Variants in FMNL2 observed in about 807,000 individuals in gnomAD.
The protein encoded by FMNL2 is formin-like protein 2.
FMNL2 carries 51 observed loss-of-function variants against 130.2 expected under a neutral mutation model. That is an observed-to-expected ratio of 0.39 (90% CI 0.31 to 0.49). The LOEUF is 0.49. Ranked by LOEUF, FMNL2 falls within the 20% of genes least tolerant of loss-of-function variation. The pLI is 0.85. For missense variants in FMNL2, 977 were observed against 1,316.2 expected (o/e 0.74, Z 3.99); for synonymous variants, 465 against 467.1 (o/e 1.00, Z 0.06).
intron 3 of FMNL2, among the ~76,000 whole-genome samples, chr2:152,545,942 A>G (rs2105511849): frequency 6.6e-6 from 1 of 152,362 alleles, no homozygotes; most frequent in East Asian, 1.9e-4. Flanking sequence ...GTTATCAGGC[A>G]GTTGCAGAAG....
At chr2:152,371,109 C>T (rs1021093860) in intron 1 of FMNL2, among the ~76,000 whole-genome samples, 26 of 152,212 alleles carry the variant, frequency 1.7e-4, no homozygotes, top group Admixed American at 2.0e-4. Context: ...TGGGAGCAAT[C>T]TGAGAGACAG....
At chr2:152,341,229 C>G (rs1405802493) in intron 1 of FMNL2, among the ~76,000 whole-genome samples, 1 of 152,174 alleles carries the variant, frequency 6.6e-6, no homozygotes, top group African/African-American at 2.4e-5. Context: ...CAGTTTCACC[C>G]TAGGCAGTAA....
At chr2:152,582,121 G>T (rs564132070) in intron 9 of FMNL2, among the ~76,000 whole-genome samples, 4 of 152,224 alleles carry the variant, frequency 2.6e-5, no homozygotes, top group Non-Finnish European at 4.4e-5. Flanking sequence ...TGGTCACATA[G>T]CTAGATAAGT....
chr2:152,605,600 C>T (rs1328038466), intron 9 of FMNL2, among the ~76,000 whole-genome samples: 1 of 152,228 alleles, frequency 6.6e-6, no homozygotes, highest in East Asian at 1.9e-4. Context: ...CCTGGGATTA[C>T]AGGTGTGAGC....
intron 1 of FMNL2, among the ~76,000 whole-genome samples, chr2:152,507,517 C>T (rs1579838489): frequency 1.3e-5 from 2 of 152,218 alleles, no homozygotes; most frequent in East Asian, 1.9e-4. Flanking sequence ...TTCTATCAGG[C>T]TCCTCCTGAA....
chr2:152,453,191 G>GAC (rs1012273073), intron 1 of FMNL2, among the ~76,000 whole-genome samples: 19 of 139,028 alleles, frequency 1.4e-4, no homozygotes, highest in African/African-American at 4.4e-4. Flanking sequence ...GACAGAGCAA[G>GAC]ACTCTGTCTT....
At chr2:152,512,917 C>G (rs779264687) in intron 1 of FMNL2, among the ~76,000 whole-genome samples, 1 of 152,114 alleles carries the variant, frequency 6.6e-6, no homozygotes, top group Non-Finnish European at 1.5e-5. Flanking sequence ...ACTTTACATG[C>G]GTTATCTGAT....
intron 1 of FMNL2, among the ~76,000 whole-genome samples, chr2:152,431,622 G>C (rs1231800282): frequency 6.6e-6 from 1 of 152,066 alleles, no homozygotes; most frequent in Non-Finnish European, 1.5e-5. Flanking sequence ...CATAAAACTT[G>C]GAGTACCTTG....
chr2:152,381,782 A>G (rs1684476914), intron 1 of FMNL2, among the ~76,000 whole-genome samples: 1 of 151,538 alleles, frequency 6.6e-6, no homozygotes, highest in East Asian at 1.9e-4. Context: ...ACTCTTGATT[A>G]GTTAGCATAA....
At chr2:152,590,630 G>A (rs778040049) in intron 9 of FMNL2, among the ~76,000 whole-genome samples, 18 of 151,782 alleles carry the variant, frequency 1.2e-4, no homozygotes, top group Non-Finnish European at 2.1e-4. Flanking sequence ...AAAAAAACCT[G>A]TAGGTTCAAC....
intron 5 of FMNL2, 58 bp from the exon 6 acceptor site, chr2:152,560,825 G>C: frequency 6.6e-7 from 1 of 1,512,774 alleles, no homozygotes. Flanking sequence ...ATACATGTTC[G>C]TTTATACATG....
At chr2:152,426,325 C>T (rs929925009) in intron 1 of FMNL2, among the ~76,000 whole-genome samples, 12 of 152,136 alleles carry the variant, frequency 7.9e-5, no homozygotes, top group Non-Finnish European at 1.5e-4. Flanking sequence ...ACCTTTTAAG[C>T]ACTGGTAGCA....
intron 1 of FMNL2, among the ~76,000 whole-genome samples, chr2:152,375,262 G>A (rs138458992): frequency 6.6e-6 from 1 of 152,300 alleles, no homozygotes; most frequent in Admixed American, 6.5e-5. Context: ...GGGGGCCAGA[G>A]GATTCAAGCC....
At chr2:152,647,701 A>G in intron 25 of FMNL2, 95 bp from the exon 26 acceptor site, 1 of 1,156,892 alleles carries the variant, frequency 8.6e-7, no homozygotes, top group Admixed American at 1.7e-5. Context: ...TTTTCTACAC[A>G]AGCTGCTTTG....
chr2:152,581,051 T>A lies in FMNL2; in HGVS notation c.876+2T>A. 1 of 1,612,518 alleles carries A rather than the reference T, an allele frequency of 6.2e-7. No individual in the cohort carries two copies. The highest frequency in any genetic ancestry group is 8.5e-7 in the Non-Finnish European group (1 of 1,178,826). On this transcript the variant is annotated splice_donor_variant, in intron 9 of 25. Coordinates refer to ENST00000288670, the MANE Select transcript of FMNL2 (RefSeq NM_052905.4). LOFTEE classifies it high-confidence loss of function. ...TCAGCATTTGATAACTTTAAAGAGGTAGGCTACACTATAGTTTTCATAAGA... is the reference window on the plus strand; with the variant it reads ...TCAGCATTTGATAACTTTAAAGAGGAAGGCTACACTATAGTTTTCATAAGA...
At chr2:152,443,468 A>G (rs1345282665) in intron 1 of FMNL2, among the ~76,000 whole-genome samples, 1 of 152,158 alleles carries the variant, frequency 6.6e-6, no homozygotes, top group African/African-American at 2.4e-5. Flanking sequence ...GAGGAAGAGG[A>G]GAAGGAATTG....
chr2:152,364,259 G>GTTTTTTTTTTTTTTTTTT (rs1163993397), intron 1 of FMNL2, among the ~76,000 whole-genome samples: 1 of 100,796 alleles, frequency 9.9e-6, no homozygotes, highest in Admixed American at 1.1e-4. Context: ...GGAGGTTTGT[G>GTTTTTTTTTTTTTTTTTT]TGTTTTTTTT....
chr2:152,354,191 T>G (rs1682664699), intron 1 of FMNL2, among the ~76,000 whole-genome samples: 1 of 152,230 alleles, frequency 6.6e-6, no homozygotes, highest in Admixed American at 6.5e-5. Flanking sequence ...CTGTGACCAC[T>G]GAGCAGCTTG....
At chr2:152,601,298 T>C (rs1174531535) in intron 9 of FMNL2, among the ~76,000 whole-genome samples, 1 of 81,154 alleles carries the variant, frequency 1.2e-5, no homozygotes, top group Non-Finnish European at 2.8e-5. Context: ...TTTCTTTTCT[T>C]TTTTCTTTTT....
Sources: gnomAD v4.1 joint callset for allele counts (sites outside exome capture counted in the v4.1 genomes callset) on GRCh38, gnomAD v4.1.1 for gene constraint, MANE v1.5 for transcripts, NCBI Gene and HGNC (gene_info 2026-07-23, HGNC 2026-07-21) for gene names.